The following ACTBL2 variants were observed in gnomAD, a reference collection of about 807,000 sequenced individuals.
ACTBL2 encodes actin beta like 2.
A neutral mutation model predicts 23.2 loss-of-function variants in ACTBL2; 29 were observed. The observed-to-expected ratio is 1.25, with a 90% CI of 0.93 to 1.71. ACTBL2 has a LOEUF of 1.71. ACTBL2 is among the 40% of genes most tolerant of loss of function. ACTBL2 has a pLI of 0.00. For missense variants in ACTBL2, 524 were observed against 486.2 expected, an observed-to-expected ratio of 1.08 and a Z score of -0.73; for synonymous variants, 173 against 182.1, an observed-to-expected ratio of 0.95 and a Z score of 0.40.
chr5:57,481,176 C>A lies in ACTBL2; in HGVS notation c.*401G>T, dbSNP rs1192867473. 1.2e-5 allele frequency: 2 copies of A among 164,362 alleles called. No homozygotes were observed. The highest frequency in any genetic ancestry group is 2.7e-5 in the Non-Finnish European group (2 of 75,458). The allele number at this position is 164,362 out of a possible 1,614,324, so 10.2% of individuals were successfully genotyped here. A position where few individuals can be genotyped will look rare whatever the true frequency, so the allele number is the denominator to read the frequency against. On this transcript the variant is annotated 3_prime_UTR_variant, in exon 1 of 1. Coordinates refer to ENST00000423391, the MANE Select transcript of ACTBL2 (RefSeq NM_001017992.4). ...AAGACACGGCTGCTAAATGCATACG[C>A]ACCTTTTTTTTTTAAACAAGTTTAT...
rs771865618 is a variant in ACTBL2 at position 57,482,360 on chromosome 5, G to T, written c.348C>A (p.Asn116Lys). The T allele has an allele frequency of 1.9e-6, 3 of 1,614,002 alleles. No individual in the cohort carries two copies. In the East Asian group the frequency reaches 6.7e-5, roughly 36 times the overall value. ...ACATGATCTGAGTCATCTTTTCCCGGTTGATCTTGGGGTTCAGGGGTGCCT... is the reference window on the plus strand; with the variant it reads ...ACATGATCTGAGTCATCTTTTCCCGTTTGATCTTGGGGTTCAGGGGTGCCT... ...LTEAPLNPKI[N>K]REKMTQIMFE... The change falls in exon 1 of 1, where the codon AAC becomes AAA. Residue 116 changes from asparagine (N) to lysine (K), a missense_variant. Coordinates refer to ENST00000423391, the MANE Select transcript of ACTBL2 (RefSeq NM_001017992.4).
At position 57,480,392 on chromosome 5, in the gene ACTBL2, T is replaced by A. The variant is rs145878930; in HGVS notation, c.*1185A>T. On this transcript the variant is annotated 3_prime_UTR_variant, in exon 1 of 1. Coordinates refer to ENST00000423391, the MANE Select transcript of ACTBL2 (RefSeq NM_001017992.4). ...ACTGCATAGATTGGAATAAACATAC[T>A]GGTACTTAAAATTGGTTAATAAATC... 6.6e-6 allele frequency: 1 copy of A among 152,208 alleles called. No homozygotes were observed. The highest frequency in any genetic ancestry group is 1.9e-4 in the East Asian group (1 of 5,184). 9.4% of individuals were successfully genotyped at this position (152,208 alleles called of 1,614,324 possible). A position where few individuals can be genotyped will look rare whatever the true frequency, so the allele number is the denominator to read the frequency against.
At position 57,481,401 on chromosome 5, in the gene ACTBL2, C is replaced by T; in HGVS notation, c.*176G>A. On this transcript the variant is annotated 3_prime_UTR_variant, in exon 1 of 1. Transcript: ENST00000423391. ...GAATTCACCTTCACTTGATGGAGAA[C>T]CGGATGTGGTTATCTGGGTAAGAGC... The T allele has an allele frequency of 1.4e-6, 1 of 703,788 alleles. No homozygotes were observed. Among genetic ancestry groups the T allele is most frequent in the Non-Finnish European group, 2.3e-6 (1 of 433,052 alleles). The allele number at this position is 703,788 out of a possible 1,614,324, so 43.6% of individuals were successfully genotyped here.
Position 57,482,287 on chromosome 5 carries a change from G to T in ACTBL2, c.421C>A (p.Leu141Met). ...GTCCGTCCTGAGGCATAGAGGGACAGCACAGCCTGGATGGCGACATACATG... is the reference window on the plus strand; with the variant it reads ...GTCCGTCCTGAGGCATAGAGGGACATCACAGCCTGGATGGCGACATACATG... ...PAMYVAIQAV[L>M]SLYASGRTTG... Residue 141 changes from leucine (L) to methionine (M), a missense_variant, in exon 1 of 1, where the codon CTG becomes ATG. Transcript: ENST00000423391. 6.2e-7 allele frequency: 1 copy of T among 1,614,118 alleles called. No individual in the cohort carries two copies. Among genetic ancestry groups the T allele is most frequent in the Non-Finnish European group, 8.5e-7 (1 of 1,180,036 alleles).
In ACTBL2 at chr5:57,481,597, C is replaced by T. The variant is rs562161532; in HGVS notation, c.1111G>A (p.Val371Ile). 8.1e-6 allele frequency: 13 copies of T among 1,612,290 alleles called. No individual in the cohort carries two copies. Among genetic ancestry groups the T allele is most frequent in the East Asian group, 6.7e-5 (3 of 44,862 alleles). The change falls in exon 1 of 1, where the codon GTT (valine) becomes ATT (isoleucine). Residue 371 changes from valine to isoleucine, a missense_variant. Physicochemically the swap from Val to Ile is conservative, Grantham distance 29 (BLOSUM62 3). Transcript: ENST00000423391. ...QEYDEAGPPI[V>I]HRKCF ...CCCATTCAGAAACATTTTCTGTGAACGATAGGAGGACCAGCCTCATCATAT... is the reference window on the plus strand; with the variant it reads ...CCCATTCAGAAACATTTTCTGTGAATGATAGGAGGACCAGCCTCATCATAT...
In ACTBL2 at chr5:57,482,470, A is replaced by G; in HGVS notation, c.238T>C (p.Trp80Arg). ...TACCAGATCTTTTCCATATCGTCCC[A>G]GTTGGTGACCACTCCATGCTCGATA... ...YPIEHGVVTN[W>R]DDMEKIWYHT... Residue 80 changes from tryptophan to arginine, a missense_variant, in exon 1 of 1, where the codon TGG becomes CGG. Physicochemically the swap from Trp to Arg is moderately radical, Grantham distance 101. Coordinates refer to ENST00000423391, the MANE Select transcript of ACTBL2 (RefSeq NM_001017992.4). 1 of 1,614,120 alleles carries G rather than the reference A, an allele frequency of 6.2e-7. No individual in the cohort carries two copies.
rs201679344 is a variant in ACTBL2 at position 57,482,584 on chromosome 5, G to A, written c.124C>T (p.Gln42Ter). 13 of 1,614,036 alleles carry A rather than the reference G, an allele frequency of 8.1e-6. No individual in the cohort carries two copies. The highest frequency in any genetic ancestry group is 1.1e-5 in the Non-Finnish European group (13 of 1,180,022). ...FPSMIGRPRH[Q>*]GVMVGMGQKD... ...TGGCCCATGCCTACCATAACGCCCT[G>A]GTGTCGAGGACGCCCTATCATGGAG... Residue 42 changes from glutamine to a stop codon, truncating the protein, a stop_gained, in exon 1 of 1, where the codon CAG becomes TAG. Transcript: ENST00000423391. LOFTEE classifies it high-confidence loss of function.
rs770414529 is a variant in ACTBL2, at chr5:57,482,357, C to T, written c.351G>A (p.Arg117=). The stretch of plus-strand genomic sequence containing the variant: ...CGAACATGATCTGAGTCATCTTTTC[C>T]CGGTTGATCTTGGGGTTCAGGGGTG... The part of the protein sequence containing the change: ...TEAPLNPKIN[R]EKMTQIMFEA... Residue 117 remains arginine, a synonymous_variant, in exon 1 of 1, where the codon CGG becomes CGA. Transcript: ENST00000423391. The T allele has an allele frequency of 2.2e-5, 35 of 1,613,824 alleles. No homozygotes were observed. The Admixed American group carries it at 5.5e-4, about 25-fold the overall frequency.
Position 57,482,096 on chromosome 5 carries a change from A to G in ACTBL2, c.612T>C (p.Thr204=), listed in dbSNP as rs1484595216. 2 of 1,613,924 alleles carry G rather than the reference A, an allele frequency of 1.2e-6. No individual in the cohort carries two copies. Among genetic ancestry groups the G allele is most frequent in the Non-Finnish European group, 1.7e-6 (2 of 1,180,026 alleles). Residue 204 remains threonine (T), a synonymous_variant, in exon 1 of 1, where the codon ACT becomes ACC. Transcript: ENST00000423391. ...LTERGYNFTT[T]AEREIVRDVK... ...CATCTCGCACAATCTCCCGCTCAGCAGTGGTGGTGAAGTTATAGCCTCGCT... is the reference window on the plus strand; with the variant it reads ...CATCTCGCACAATCTCCCGCTCAGCGGTGGTGGTGAAGTTATAGCCTCGCT...
chr5:57,481,611 G>GCCTCATCATATT lies in ACTBL2; in HGVS notation c.1085_1096dup (p.Glu362_Glu365dup). 1.2e-6 allele frequency: 2 copies of GCCTCATCATATT among 1,613,722 alleles called. No individual in the cohort carries two copies. The highest frequency in any genetic ancestry group is 1.7e-6 in the Non-Finnish European group (2 of 1,179,992). On this transcript the variant is annotated inframe_insertion, in exon 1 of 1. Transcript: ENST00000423391. ...TTTTCTGTGAACGATAGGAGGACCA[G>GCCTCATCATATT]CCTCATCATATTCCTGCTTACTGAT...
At position 57,480,489 on chromosome 5, in the gene ACTBL2, T is replaced by A. The variant is rs1380789466; in HGVS notation, c.*1088A>T. The A allele has an allele frequency of 6.6e-6, 1 of 152,134 alleles. No individual in the cohort carries two copies. Among genetic ancestry groups the A allele is most frequent in the Non-Finnish European group, 1.5e-5 (1 of 67,958 alleles). 9.4% of individuals were successfully genotyped at this position (152,134 alleles called of 1,614,324 possible). On this transcript the variant is annotated 3_prime_UTR_variant, in exon 1 of 1. Coordinates refer to ENST00000423391, the MANE Select transcript of ACTBL2 (RefSeq NM_001017992.4). ...TGATATTTTCAAAGATGTTAGTATC[T>A]CAGAGACACTTTGCATAAATAAGTA...
At position 57,480,418 on chromosome 5, in the gene ACTBL2, AT is replaced by A. The variant is rs1459735377; in HGVS notation, c.*1158del. The A allele has an allele frequency of 6.6e-6, 1 of 152,156 alleles. No homozygotes were observed. The highest frequency in any genetic ancestry group is 6.5e-5 in the Admixed American group (1 of 15,276). The allele number at this position is 152,156 out of a possible 1,614,324, so 9.4% of individuals were successfully genotyped here. A position where few individuals can be genotyped will look rare whatever the true frequency, so the allele number is the denominator to read the frequency against. On this transcript the variant is annotated 3_prime_UTR_variant, in exon 1 of 1. Transcript: ENST00000423391. ...GGTACTTAAAATTGGTTAATAAATC[AT>A]CACTGGAGTAACTAAAATATTTTAG...
Position 57,481,943 on chromosome 5 carries a change from G to A in ACTBL2, c.765C>T (p.Arg255=), listed in dbSNP as rs1745167775. The A allele has an allele frequency of 1.9e-6, 3 of 1,614,156 alleles. No homozygotes were observed. Among genetic ancestry groups the A allele is most frequent in the Admixed American group, 1.7e-5 (1 of 60,026 alleles). Residue 255 remains arginine, a synonymous_variant, in exon 1 of 1, where the codon CGC becomes CGT. Coordinates refer to ENST00000423391, the MANE Select transcript of ACTBL2 (RefSeq NM_001017992.4). ...GGAAAATGGCTTCAGGGCATCGGAA[G>A]CGTTCATTCCCAATGGTGATCACCT... The part of the protein sequence containing the change: ...DGQVITIGNE[R]FRCPEAIFQP...
rs368870319 is a variant in ACTBL2 at position 57,481,857 on chromosome 5, A to G, written c.851T>C (p.Met284Thr). 6.0e-5 allele frequency: 97 copies of G among 1,613,986 alleles called. No individual in the cohort carries two copies. Among genetic ancestry groups the G allele is most frequent in the Admixed American group, 1.8e-4 (11 of 60,004 alleles). ...GIHETTFNSIMKCDVDIRKDL... is the reference protein window; with the variant it reads ...GIHETTFNSITKCDVDIRKDL... The stretch of plus-strand genomic sequence containing the variant: ...CTTGCGAATATCCACATCGCACTTC[A>G]TGATAGAGTTGAAGGTTGTCTCATG... Residue 284 changes from methionine (M) to threonine (T), a missense_variant, in exon 1 of 1, where the codon ATG (methionine) becomes ACG (threonine). Physicochemically the swap from Met to Thr is moderately conservative, Grantham distance 81. Transcript: ENST00000423391.
rs117381729 is a variant in ACTBL2, at chr5:57,480,588, G to A, written c.*989C>T. On this transcript the variant is annotated 3_prime_UTR_variant, in exon 1 of 1. Coordinates refer to ENST00000423391, the MANE Select transcript of ACTBL2 (RefSeq NM_001017992.4). ...AAGGATAAAACTGTGTTAGTATACT[G>A]GTAGTAAAATGTATAATTAATAAAG... 66 of 152,132 alleles carry A rather than the reference G, an allele frequency of 4.3e-4. 1 individual carries two copies. In the East Asian group the frequency reaches 0.011, roughly 26 times the overall value. 9.4% of individuals were successfully genotyped at this position (152,132 alleles called of 1,614,324 possible). A position where few individuals can be genotyped will look rare whatever the true frequency, so the allele number is the denominator to read the frequency against.
rs1745130949 is a variant in ACTBL2 at position 57,480,447 on chromosome 5, A to G, written c.*1130T>C. 2 of 152,152 alleles carry G rather than the reference A, an allele frequency of 1.3e-5. No homozygotes were observed. Among genetic ancestry groups the G allele is most frequent in the Admixed American group, 6.5e-5 (1 of 15,282 alleles). 9.4% of individuals were successfully genotyped at this position (152,152 alleles called of 1,614,324 possible). On this transcript the variant is annotated 3_prime_UTR_variant, in exon 1 of 1. Coordinates refer to ENST00000423391, the MANE Select transcript of ACTBL2 (RefSeq NM_001017992.4). Reference sequence around the variant, plus strand: ...CTGGAGTAACTAAAATATTTTAGACATTATAGGAACATACATTGATATTTT... The same window carrying G: ...CTGGAGTAACTAAAATATTTTAGACGTTATAGGAACATACATTGATATTTT...
rs745849436 is a variant in ACTBL2, at chr5:57,482,355, TC to T, written c.352del (p.Glu118LysfsTer3). 32 of 1,613,918 alleles carry T rather than the reference TC, an allele frequency of 2.0e-5. No homozygotes were observed. The highest frequency in any genetic ancestry group is 2.5e-5 in the Non-Finnish European group (30 of 1,180,024). On this transcript the variant is annotated frameshift_variant, in exon 1 of 1. Coordinates refer to ENST00000423391, the MANE Select transcript of ACTBL2 (RefSeq NM_001017992.4). LOFTEE classifies it high-confidence loss of function. ...CTCGAACATGATCTGAGTCATCTTT[TC>T]CCGGTTGATCTTGGGGTTCAGGGGT... The part of the protein sequence containing the change: ...EAPLNPKINR[E>X]KMTQIMFEAF...
Position 57,480,995 on chromosome 5 carries a change from A to G in ACTBL2, c.*582T>C, listed in dbSNP as rs1365497057. ...GTACAACGATGACTTTTGGGAGTAA[A>G]GAAATTCACATTAGCTGTTCAGATA... is the stretch of plus-strand genomic sequence containing the variant. On this transcript the variant is annotated 3_prime_UTR_variant, in exon 1 of 1. Transcript: ENST00000423391. The G allele has an allele frequency of 6.6e-6, 1 of 152,296 alleles. No homozygotes were observed. The highest frequency in any genetic ancestry group is 1.5e-5 in the Non-Finnish European group (1 of 68,110). The allele number at this position is 152,296 out of a possible 1,614,324, so 9.4% of individuals were successfully genotyped here.
rs1486077236 is a variant in ACTBL2, at chr5:57,480,688, A to G, written c.*889T>C. The G allele has an allele frequency of 6.6e-6, 1 of 152,198 alleles. No homozygotes were observed. The highest frequency in any genetic ancestry group is 2.4e-5 in the African/African-American group (1 of 41,472). 9.4% of individuals were successfully genotyped at this position (152,198 alleles called of 1,614,324 possible). ...TCTGTAATCCTGGTCTACAGAAATT[A>G]TTTAAGATGTGCTATTACACTAAGA... On this transcript the variant is annotated 3_prime_UTR_variant, in exon 1 of 1. Coordinates refer to ENST00000423391, the MANE Select transcript of ACTBL2 (RefSeq NM_001017992.4).
Sources: gnomAD v4.1 joint callset for allele counts on GRCh38, gnomAD v4.1.1 for gene constraint, MANE v1.5 for transcripts, NCBI Gene and HGNC (gene_info 2026-07-23, HGNC 2026-07-21) for gene names.